Variants in ANXA6 observed in about 807,000 individuals in gnomAD.
The protein encoded by ANXA6 is 67 kDa calelectrin.
ANXA6 carries 71 observed loss-of-function variants against 95.4 expected under a neutral mutation model. The observed-to-expected ratio is 0.74, with a 90% CI of 0.61 to 0.91. The LOEUF (loss-of-function observed/expected upper bound fraction) is 0.91, where lower values mean the gene tolerates loss of function less well. Among genes scored for constraint, ANXA6 ranks in the 40% least tolerant of loss-of-function variants. ANXA6 has a pLI of 0.00. For missense variants in ANXA6, 830 were observed against 876.4 expected (o/e 0.95, Z 0.67); for synonymous variants, 289 against 315.9 (o/e 0.91, Z 0.90).
chr5:151,105,640 A>G (rs914695880), intron 23 of ANXA6, among the ~76,000 whole-genome samples: 4 of 152,206 alleles, frequency 2.6e-5, no homozygotes, highest in African/African-American at 9.7e-5. Flanking sequence ...TCACCCAAAA[A>G]GCTTGTTTAA....
rs1293576530 is a variant in ANXA6 at position 151,103,528 on chromosome 5, ACACT to A, written c.1962+38_1962+41del. 4.4e-6 allele frequency: 7 copies of A among 1,583,298 alleles called. No individual in the cohort carries two copies. The South Asian group carries it at 7.0e-5, about 16-fold the overall frequency. ...CTTCTAATCTTATATTAGGGATCTG[ACACT>A]CACCCGCTTCCTGCTAACCTCTAGC... is the stretch of plus-strand genomic sequence containing the variant. On this transcript the variant is annotated intron_variant, in intron 25 of 25. Coordinates refer to ENST00000354546, the MANE Select transcript of ANXA6 (RefSeq NM_001155.5).
At position 151,124,593 on chromosome 5, in the gene ANXA6, G is replaced by A. The variant is rs570994941; in HGVS notation, c.1057-226C>T. The stretch of plus-strand genomic sequence containing the variant: ...ACAGAAAGATATAGAGAGAGGGAGA[G>A]AGGGACTCAGGGCTGGGAGCAGGGC... On this transcript the variant is annotated intron_variant, in intron 14 of 25. Coordinates refer to ENST00000354546, the MANE Select transcript of ANXA6 (RefSeq NM_001155.5). Among the ~76,000 whole-genome samples, 3 of 152,312 alleles carry A rather than the reference G, an allele frequency of 2.0e-5. No homozygotes were observed. In the South Asian group the frequency reaches 6.2e-4, roughly 32 times the overall value.
chr5:151,108,570 C>T lies in ANXA6; in HGVS notation c.1685-20G>A. The T allele has an allele frequency of 2.5e-6, 4 of 1,610,732 alleles. No homozygotes were observed. Among genetic ancestry groups the T allele is most frequent in the Non-Finnish European group, 2.5e-6 (3 of 1,176,930 alleles). On this transcript the variant is annotated intron_variant, in intron 22 of 25. Transcript: ENST00000354546. ...GGAAGACTGGCCACAAGAGAAGCCC[C>T]AGAGGTGGGGGTGAGCTTCAGTGCA...
At chr5:151,113,997 G>A (rs62379663) in intron 20 of ANXA6, among the ~76,000 whole-genome samples, 11,212 of 152,290 alleles carry the variant, frequency 0.074, 530 homozygotes, top group South Asian at 0.16. Context: ...ATAGTGTTTA[G>A]GTTAGTGTTT....
intron 11 of ANXA6, among the ~76,000 whole-genome samples, chr5:151,130,956 C>G (rs553559690): frequency 6.6e-6 from 1 of 152,288 alleles, no homozygotes; most frequent in East Asian, 1.9e-4. Flanking sequence ...CTTCAAAGTC[C>G]GAGCCGCCAA....
In ANXA6 at chr5:151,111,791, G is replaced by C. The variant is rs538132781; in HGVS notation, c.1573-1147C>G. ...TTTTGTAGAGAAGGGGTCTCACTTT[G>C]TTGTCCAGTCTAGCCTCAAGCAATC... On this transcript the variant is annotated intron_variant, in intron 20 of 25. Transcript: ENST00000354546. Among the ~76,000 whole-genome samples the C allele has an allele frequency of 1.7e-3, 250 of 151,502 alleles. 1 individual carries two copies. Among genetic ancestry groups the C allele is most frequent in the Middle Eastern group, 3.4e-3 (1 of 294 alleles).
chr5:151,131,080 C>G (rs1399986029), intron 11 of ANXA6, 151 bp downstream of exon 11: 2 of 741,528 alleles, frequency 2.7e-6, no homozygotes, highest in East Asian at 5.3e-5. Flanking sequence ...ATTCCTGGCT[C>G]TACAGCTCAC....
intron 11 of ANXA6, 32 bp downstream of exon 11, chr5:151,131,199 C>G: frequency 6.2e-6 from 10 of 1,612,602 alleles, no homozygotes; most frequent in African/African-American, 1.3e-5. Context: ...GTCCTCTCCC[C>G]AAACCCCATT....
In ANXA6 at chr5:151,109,611, G is replaced by A. The variant is rs544710528; in HGVS notation, c.1684+142C>T. 2.4e-5 allele frequency: 15 copies of A among 637,266 alleles called. No individual in the cohort carries two copies. Among genetic ancestry groups the A allele is most frequent in the East Asian group, 5.7e-5 (2 of 35,308 alleles). 39.5% of individuals were successfully genotyped at this position (637,266 alleles called of 1,614,324 possible). A position where few individuals can be genotyped will look rare whatever the true frequency, so the allele number is the denominator to read the frequency against. On this transcript the variant is annotated intron_variant, in intron 22 of 25. Transcript: ENST00000354546. The stretch of plus-strand genomic sequence containing the variant: ...GACTAGAACCCAGGGCTCCAGAGTC[G>A]CCGTCACCCATGACACGCTACTGCT...
At chr5:151,137,156 C>G (rs552811682) in intron 6 of ANXA6, 75 bp downstream of exon 6, 132 of 1,279,930 alleles carry the variant, frequency 1.0e-4, no homozygotes, top group Middle Eastern at 5.6e-4. Context: ...TGGCTAGAAT[C>G]TTAGTGTCCC....
Position 151,137,211 on chromosome 5 carries a change from GC to G in ANXA6, c.409+19del, listed in dbSNP as rs1561581029. 2 of 1,606,232 alleles carry G rather than the reference GC, an allele frequency of 1.2e-6. No individual in the cohort carries two copies. The highest frequency in any genetic ancestry group is 1.7e-6 in the Non-Finnish European group (2 of 1,173,480). ...ATTTTGTATCTGAAGATCCTAAGCG[GC>G]CCCTCCTGCCCATCTCACCATCTTT... On this transcript the variant is annotated intron_variant, in intron 6 of 25. Transcript: ENST00000354546.
rs1179959712 is a variant in ANXA6 at position 151,139,391 on chromosome 5, G to A, written c.166C>T (p.Gln56Ter). 2.5e-6 allele frequency: 4 copies of A among 1,613,406 alleles called. No homozygotes were observed. Among genetic ancestry groups the A allele is most frequent in the Non-Finnish European group, 3.4e-6 (4 of 1,179,600 alleles). Residue 56 changes from glutamine (Q) to a stop codon, truncating the protein, a stop_gained, in exon 4 of 26, where the codon CAG becomes TAG. Coordinates refer to ENST00000354546, the MANE Select transcript of ANXA6 (RefSeq NM_001155.5). LOFTEE classifies it high-confidence loss of function. The stretch of plus-strand genomic sequence containing the variant: ...GACTTGTAGCTCTGGCAGACCTCCT[G>A]CCTCTGCCTGTTGCTCCGTGAGGTG... ...IITSRSNRQR[Q>*]EVCQSYKSLY...
chr5:151,112,041 C>A (rs936409168), intron 20 of ANXA6, among the ~76,000 whole-genome samples: 4 of 152,096 alleles, frequency 2.6e-5, no homozygotes, highest in Non-Finnish European at 4.4e-5. Flanking sequence ...GGTAATCCAC[C>A]CGCCTCAGCC....
chr5:151,104,938 T>C lies in ANXA6; in HGVS notation c.1839+307A>G, dbSNP rs112225729. ...TGTTGCGCAAGCTTATCCTTTGCACTGAGGTTGTTTAACAGCATCCCTGTT... is the reference window on the plus strand; with the variant it reads ...TGTTGCGCAAGCTTATCCTTTGCACCGAGGTTGTTTAACAGCATCCCTGTT... On this transcript the variant is annotated intron_variant, in intron 24 of 25. Transcript: ENST00000354546. 9.9e-3 allele frequency among the ~76,000 whole-genome samples: 1,504 copies of C among 152,364 alleles called. 24 individuals carry two copies. The highest frequency in any genetic ancestry group is 0.035 in the African/African-American group (1,436 of 41,586).
chr5:151,126,706 C>T (rs901989450), intron 13 of ANXA6, among the ~76,000 whole-genome samples: 7 of 148,020 alleles, frequency 4.7e-5, no homozygotes, highest in Non-Finnish European at 7.6e-5. Flanking sequence ...CCCTGCAATG[C>T]TGCCTTTTTT....
At chr5:151,116,679 C>T (rs376520571) in intron 20 of ANXA6, among the ~76,000 whole-genome samples, 11 of 152,218 alleles carry the variant, frequency 7.2e-5, no homozygotes, top group Non-Finnish European at 1.3e-4. Context: ...TTTCTAGGCT[C>T]GTCCCAGGAC....
chr5:151,119,204 A>G (rs1765090538), intron 18 of ANXA6, 96 bp downstream of exon 18: 1 of 1,005,936 alleles, frequency 9.9e-7, no homozygotes, highest in Non-Finnish European at 1.6e-6. Context: ...GGGAAAGGAG[A>G]CAGGCCAGAG....
chr5:151,108,068 G>A (rs537885240), intron 23 of ANXA6, among the ~76,000 whole-genome samples: 12 of 152,042 alleles, frequency 7.9e-5, no homozygotes, highest in South Asian at 4.2e-4. Context: ...CATATGTAAC[G>A]TGTTTTATGT....
intron 6 of ANXA6, 119 bp downstream of exon 6, chr5:151,137,111 CA>C: frequency 1.1e-6 from 1 of 877,220 alleles, no homozygotes. Context: ...AATGGGTGGA[CA>C]AATGGATCAG....
Sources: gnomAD v4.1 joint callset for allele counts (sites outside exome capture counted in the v4.1 genomes callset) on GRCh38, gnomAD v4.1.1 for gene constraint, MANE v1.5 for transcripts, NCBI Gene and HGNC (gene_info 2026-07-23, HGNC 2026-07-21) for gene names.